CALCOCO2: variants seen among roughly 807,000 people sequenced by gnomAD.
CALCOCO2 encodes calcium-binding and coiled-coil domain-containing protein 2.
In CALCOCO2, 42 loss-of-function variants were observed where a neutral mutation model predicts 62.5. The ratio of observed to expected loss-of-function variants is 0.67; its 90% CI spans 0.53 to 0.87. CALCOCO2 has a LOEUF of 0.87. Among genes scored for constraint, CALCOCO2 ranks in the 40% least tolerant of loss-of-function variants. The pLI is 0.00. For missense variants in CALCOCO2, 456 were observed against 515.0 expected (o/e 0.89, Z 1.11); for synonymous variants, 167 against 173.0 (o/e 0.97, Z 0.27).
chr17:48,852,914 CT>C lies in CALCOCO2; in HGVS notation c.826-7del. On this transcript the variant is annotated splice_polypyrimidine_tract_variant and intron_variant, in intron 8 of 12. Transcript: ENST00000258947. ...TTTCCCAGCAATGGTACTGAAATCT[CT>C]TTTTGTGCAGAGGAAGGACCAGAAG... 6.2e-7 allele frequency: 1 copy of C among 1,604,794 alleles called. No individual in the cohort carries two copies. The highest frequency in any genetic ancestry group is 8.5e-7 in the Non-Finnish European group (1 of 1,171,694).
At chr17:48,840,678 G>C (rs1263523931) in intron 1 of CALCOCO2, among the ~76,000 whole-genome samples, 1 of 152,030 alleles carries the variant, frequency 6.6e-6, no homozygotes, top group Non-Finnish European at 1.5e-5. Context: ...CTCATTCCTT[G>C]AAGTTTTCTT....
At chr17:48,848,843 A>AT (rs1567754488) in intron 4 of CALCOCO2, 1 of 480,756 alleles carries the variant, frequency 2.1e-6, no homozygotes, top group East Asian at 6.3e-5. Flanking sequence ...TATTAGATTC[A>AT]TTTTCTTACT....
At chr17:48,847,811 G>A (rs1056411377) in intron 2 of CALCOCO2, 17 of 307,726 alleles carry the variant, frequency 5.5e-5, no homozygotes, top group East Asian at 2.4e-4. Context: ...GCACACCACC[G>A]TGCCAACTTA....
At chr17:48,858,775 C>T (rs959115555) in intron 10 of CALCOCO2, among the ~76,000 whole-genome samples, 2 of 151,744 alleles carry the variant, frequency 1.3e-5, no homozygotes, top group Non-Finnish European at 2.9e-5. Flanking sequence ...GAACTGTAGG[C>T]CGGGTGCTGT....
intron 1 of CALCOCO2, among the ~76,000 whole-genome samples, chr17:48,835,058 AT>A (rs1226956941): frequency 6.6e-6 from 1 of 151,606 alleles, no homozygotes; most frequent in East Asian, 1.9e-4. Context: ...CGCAAAAAAA[AT>A]AATTCTCTTT....
Position 48,847,912 on chromosome 17 carries a change from C to T in CALCOCO2, c.181-152C>T, listed in dbSNP as rs111708587. The T allele has an allele frequency of 1.4e-3, 816 of 567,224 alleles. 2 individuals are homozygous for T. The highest frequency in any genetic ancestry group is 0.013 in the African/African-American group (688 of 52,326). 35.1% of individuals were successfully genotyped at this position (567,224 alleles called of 1,614,324 possible). A position where few individuals can be genotyped will look rare whatever the true frequency, so the allele number is the denominator to read the frequency against. On this transcript the variant is annotated intron_variant, in intron 2 of 12. Transcript: ENST00000258947. ...TCAGGCAATCCACCCACCTTGGCCTCCCAAAGTGCTAGGATTACAGGCATG... is the reference window on the plus strand; with the variant it reads ...TCAGGCAATCCACCCACCTTGGCCTTCCAAAGTGCTAGGATTACAGGCATG...
intron 7 of CALCOCO2, among the ~76,000 whole-genome samples, chr17:48,852,124 C>G (rs1040907885): frequency 6.9e-6 from 1 of 144,448 alleles, no homozygotes; most frequent in Admixed American, 6.9e-5. Context: ...GGTGACAGAG[C>G]AAGACTCTGT....
intron 10 of CALCOCO2, among the ~76,000 whole-genome samples, chr17:48,858,969 C>T (rs571208093): frequency 2.0e-4 from 28 of 140,026 alleles, no homozygotes; most frequent in African/African-American, 5.0e-4. Context: ...CGCTTGAACC[C>T]GGGAAGTGGA....
At chr17:48,861,205 TAAAAATAC>T (rs2040321612) in intron 11 of CALCOCO2, among the ~76,000 whole-genome samples, 1 of 152,020 alleles carries the variant, frequency 6.6e-6, no homozygotes, top group Admixed American at 6.6e-5. Flanking sequence ...CTGTCTCTAC[TAAAAATAC>T]AAAAATTAGC....
Position 48,860,377 on chromosome 17 carries a change from T to C in CALCOCO2, c.1072T>C (p.Tyr358His). 1 of 1,613,622 alleles carries C rather than the reference T, an allele frequency of 6.2e-7. No homozygotes were observed. Among genetic ancestry groups the C allele is most frequent in the Non-Finnish European group, 8.5e-7 (1 of 1,179,520 alleles). Residue 358 changes from tyrosine (Y) to histidine (H), a missense_variant, in exon 11 of 13, where the codon TAT becomes CAT. Coordinates refer to ENST00000258947, the MANE Select transcript of CALCOCO2 (RefSeq NM_005831.5). The part of the protein sequence containing the change: ...YMGLDFNSLP[Y>H]QVPTSDEGGA... The stretch of plus-strand genomic sequence containing the variant: ...GGGTCTGGATTTTAATTCTTTGCCG[T>C]ATCAAGTACCTACTTCAGATGAAGG...
intron 1 of CALCOCO2, among the ~76,000 whole-genome samples, chr17:48,834,242 A>G (rs1256531159): frequency 6.6e-6 from 1 of 151,864 alleles, no homozygotes; most frequent in Non-Finnish European, 1.5e-5. Context: ...TGAAAAGCTC[A>G]TTAGATGAAG....
In CALCOCO2 at chr17:48,851,146, CAGA is replaced by C; in HGVS notation, c.604_606del (p.Lys202del). On this transcript the variant is annotated inframe_deletion, in exon 6 of 13. Coordinates refer to ENST00000258947, the MANE Select transcript of CALCOCO2 (RefSeq NM_005831.5). ...GAAGTTGGAACTGAAAGTGAAAGAA[CAGA>C]AGGACTATTGGGAGACAGAGCTGCT... The C allele has an allele frequency of 6.2e-7, 1 of 1,610,706 alleles. No homozygotes were observed. Among genetic ancestry groups the C allele is most frequent in the Non-Finnish European group, 8.5e-7 (1 of 1,177,002 alleles).
chr17:48,842,490 C>A (rs2039988677), intron 2 of CALCOCO2: 2 of 151,824 alleles, frequency 1.3e-5, no homozygotes, highest in Non-Finnish European at 2.9e-5. Context: ...TAAATACTTG[C>A]TTCTTGTTGT....
chr17:48,863,266 C>T lies in CALCOCO2; in HGVS notation c.*261C>T, dbSNP rs1450169777. The T allele has an allele frequency of 7.2e-6, 3 of 417,594 alleles. No homozygotes were observed. Among genetic ancestry groups the T allele is most frequent in the African/African-American group, 2.0e-5 (1 of 49,092 alleles). 25.9% of individuals were successfully genotyped at this position (417,594 alleles called of 1,614,324 possible). A position where few individuals can be genotyped will look rare whatever the true frequency, so the allele number is the denominator to read the frequency against. ...TCACCTGTCATTCTTCTGAGGGTCTCAGTACAAGGGCCCTGGGATGGAGCC... is the reference window on the plus strand; with the variant it reads ...TCACCTGTCATTCTTCTGAGGGTCTTAGTACAAGGGCCCTGGGATGGAGCC... On this transcript the variant is annotated 3_prime_UTR_variant, in exon 13 of 13. Transcript: ENST00000258947.
chr17:48,862,283 A>G lies in CALCOCO2; in HGVS notation c.1152A>G (p.Gln384=), dbSNP rs147712525. Residue 384 remains glutamine, a synonymous_variant, in exon 12 of 13, where the codon CAA becomes CAG. Transcript: ENST00000258947. ...LAYGNPYSGI[Q]ESSSPSPLSI... is the part of the protein sequence containing the mutation. Reference sequence around the variant, plus strand: ...CTTTTTTATTCTTTTCAGGTATCCAAGAAAGTTCTTCCCCCAGCCCGGTAA... The same window carrying G: ...CTTTTTTATTCTTTTCAGGTATCCAGGAAAGTTCTTCCCCCAGCCCGGTAA... 2 of 1,588,724 alleles carry G rather than the reference A, an allele frequency of 1.3e-6. No individual in the cohort carries two copies. The highest frequency in any genetic ancestry group is 1.7e-6 in the Non-Finnish European group (2 of 1,156,936).
At chr17:48,846,657 G>A (rs947589234) in intron 2 of CALCOCO2, 58 of 604,564 alleles carry the variant, frequency 9.6e-5, no homozygotes, top group African/African-American at 7.6e-4. Context: ...ACCGCAGGCT[G>A]CAGTGGCTCT....
intron 1 of CALCOCO2, among the ~76,000 whole-genome samples, chr17:48,838,183 G>C (rs975648026): frequency 7.2e-5 from 11 of 151,938 alleles, no homozygotes; most frequent in South Asian, 2.1e-4. Context: ...GAGCAAGCAG[G>C]GGGTACATGA....
intron 1 of CALCOCO2, among the ~76,000 whole-genome samples, chr17:48,836,927 T>C (rs939743418): frequency 6.6e-6 from 1 of 152,038 alleles, no homozygotes; most frequent in African/African-American, 2.4e-5. Flanking sequence ...ACCCAGCTAA[T>C]TTTTTGTATT....
Position 48,864,179 on chromosome 17 carries a change from T to G in CALCOCO2, c.*1174T>G, listed in dbSNP as rs1027230170. On this transcript the variant is annotated 3_prime_UTR_variant, in exon 13 of 13. Coordinates refer to ENST00000258947, the MANE Select transcript of CALCOCO2 (RefSeq NM_005831.5). ...CCCAGGTTCAAGCGATTCTCATGCC[T>G]TAGCCTCCCAAGTAGCTGGGATTAC... 14 of 151,258 alleles carry G rather than the reference T, an allele frequency of 9.3e-5. No individual in the cohort carries two copies. Among genetic ancestry groups the G allele is most frequent in the African/African-American group, 3.4e-4 (14 of 41,214 alleles). The allele number at this position is 151,258 out of a possible 1,614,324, so 9.4% of individuals were successfully genotyped here.
Sources: gnomAD v4.1 joint callset for allele counts (sites outside exome capture counted in the v4.1 genomes callset) on GRCh38, gnomAD v4.1.1 for gene constraint, MANE v1.5 for transcripts, NCBI Gene and HGNC (gene_info 2026-07-23, HGNC 2026-07-21) for gene names.